The following CACNA1I variants were observed in gnomAD, a reference collection of about 807,000 sequenced individuals.
CACNA1I encodes the protein calcium voltage-gated channel subunit alpha1 I, also known as voltage-dependent T-type calcium channel subunit alpha-1I.
Under a neutral mutation model 201.6 loss-of-function variants are expected in CACNA1I, and 74 were observed. The ratio of observed to expected loss-of-function variants is 0.37; its 90% CI spans 0.30 to 0.45. The LOEUF is 0.45. Ranked by LOEUF, CACNA1I falls within the 20% of genes least tolerant of loss-of-function variation. The pLI, the probability that CACNA1I is intolerant of heterozygous loss-of-function variation, is 1.00. For missense variants in CACNA1I, 2,346 were observed against 3,138.1 expected (o/e 0.75, Z 6.03); for synonymous variants, 1,431 against 1,345.2 (o/e 1.06, Z -1.40).
chr22:39,594,740 A>C (rs533924990), intron 1 of CACNA1I, among the ~76,000 whole-genome samples: 4 of 151,914 alleles, frequency 2.6e-5, no homozygotes, highest in Non-Finnish European at 5.9e-5. Flanking sequence ...AAGGGCTTTG[A>C]AATGGAGGGG....
rs1300791701 is a variant in CACNA1I at position 39,666,964 on chromosome 22, C to T, written c.4104+958C>T. Among the ~76,000 whole-genome samples, 5 of 152,244 alleles carry T rather than the reference C, an allele frequency of 3.3e-5. No individual in the cohort carries two copies. The highest frequency in any genetic ancestry group is 4.1e-4 in the South Asian group (2 of 4,836). On this transcript the variant is annotated intron_variant, in intron 23 of 36. Coordinates refer to ENST00000402142, the MANE Select transcript of CACNA1I (RefSeq NM_021096.4). This position sits in a 1 kb window ranked among gnomAD's most constrained non-coding sequence, Gnocchi z 4.1. ...CCTGACCCCCTTCACCTATGGGCCCCGCCCCAGTGCCAGCTCCGCCCCTTT... is the reference window on the plus strand; with the variant it reads ...CCTGACCCCCTTCACCTATGGGCCCTGCCCCAGTGCCAGCTCCGCCCCTTT...
chr22:39,673,197 G>A, intron 28 of CACNA1I, 115 bp downstream of exon 28: 1 of 1,125,724 alleles, frequency 8.9e-7, no homozygotes, highest in South Asian at 1.5e-5. Flanking sequence ...GCAGGAGTTT[G>A]CAGGCATGGT....
chr22:39,577,162 G>A (rs1423243024), intron 1 of CACNA1I, among the ~76,000 whole-genome samples: 1 of 152,164 alleles, frequency 6.6e-6, no homozygotes, highest in African/African-American at 2.4e-5. Context: ...AGCCTCCTGA[G>A]TAGCTGGAAT....
chr22:39,682,695 C>A (rs967837270), intron 35 of CACNA1I, 34 bp downstream of exon 35: 2 of 1,588,706 alleles, frequency 1.3e-6, no homozygotes, highest in African/African-American at 1.3e-5. Context: ...CTCCCCACAG[C>A]CCTCATCTTG....
At chr22:39,650,473 C>G (rs967984396) in intron 10 of CACNA1I, among the ~76,000 whole-genome samples, 1 of 152,090 alleles carries the variant, frequency 6.6e-6, no homozygotes, top group Non-Finnish European at 1.5e-5. Flanking sequence ...TCTGTCCATT[C>G]CCCCCCAAAC....
chr22:39,572,775 T>C (rs2145795110), intron 1 of CACNA1I, among the ~76,000 whole-genome samples: 1 of 151,838 alleles, frequency 6.6e-6, no homozygotes. Context: ...TTTTTTTTTT[T>C]AGATGGAGTC....
chr22:39,589,522 C>T (rs1256689594), intron 1 of CACNA1I, among the ~76,000 whole-genome samples: 1 of 152,254 alleles, frequency 6.6e-6, no homozygotes, highest in Non-Finnish European at 1.5e-5. Context: ...GTTGCTCGAA[C>T]ACATGCTACA....
intron 1 of CACNA1I, among the ~76,000 whole-genome samples, chr22:39,591,018 ATT>A (rs1176086064): frequency 6.8e-6 from 1 of 146,982 alleles, no homozygotes; most frequent in Non-Finnish European, 1.5e-5. Flanking sequence ...TAATTAAAAA[ATT>A]TTTTTTTTTT....
intron 26 of CACNA1I, among the ~76,000 whole-genome samples, chr22:39,671,378 A>G (rs772440485): frequency 1.3e-5 from 2 of 152,224 alleles, no homozygotes; most frequent in Non-Finnish European, 2.9e-5. Flanking sequence ...TATGCTGCCC[A>G]AATTACTCAG....
At position 39,634,581 on chromosome 22, in the gene CACNA1I, G is replaced by T; in HGVS notation, c.597G>T (p.Val199=). 2 of 1,613,896 alleles carry T rather than the reference G, an allele frequency of 1.2e-6. No individual in the cohort carries two copies. Among genetic ancestry groups the T allele is most frequent in the African/African-American group, 1.3e-5 (1 of 74,998 alleles). Residue 199 remains valine, a synonymous_variant, in exon 5 of 37, where the codon GTG becomes GTT. Transcript: ENST00000402142. ...INRVPSMRIL[V]NLLLDTLPML... ...CCCTCCCAGGTATGCGGATCCTGGT[G>T]AACCTGCTCCTGGACACACTGCCCA...
At chr22:39,647,709 T>C in intron 8 of CACNA1I, 113 bp from the exon 9 acceptor site, 2 of 754,532 alleles carry the variant, frequency 2.7e-6, no homozygotes, top group Non-Finnish European at 2.3e-6. Context: ...CCACCGCCCC[T>C]GGCCAAGTTT....
At chr22:39,642,240 G>T (rs1934369451) in intron 6 of CACNA1I, among the ~76,000 whole-genome samples, 1 of 152,184 alleles carries the variant, frequency 6.6e-6, no homozygotes, top group Non-Finnish European at 1.5e-5. Flanking sequence ...TGGCCGCTCA[G>T]GGGGTCCCAC....
At chr22:39,654,884 G>T (rs1216667314) in intron 10 of CACNA1I, among the ~76,000 whole-genome samples, 1 of 152,170 alleles carries the variant, frequency 6.6e-6, no homozygotes, top group African/African-American at 2.4e-5. Flanking sequence ...TCATTCAGGA[G>T]GACCTTGGAG....
Position 39,662,325 on chromosome 22 carries a change from GC to G in CACNA1I, c.3267del (p.His1091MetfsTer43). The G allele has an allele frequency of 2.0e-6, 3 of 1,478,440 alleles. No individual in the cohort carries two copies. Among genetic ancestry groups the G allele is most frequent in the Non-Finnish European group, 8.9e-7 (1 of 1,123,142 alleles). 91.6% of individuals were successfully genotyped at this position (1,478,440 alleles called of 1,614,324 possible). On this transcript the variant is annotated frameshift_variant, in exon 17 of 37. Coordinates refer to ENST00000402142, the MANE Select transcript of CACNA1I (RefSeq NM_021096.4). LOFTEE classifies it high-confidence loss of function. ...PRAAWRAAGP[A>X]PGHEDCNGRM... ...GGCCGCCTGGAGGGCGGCAGGCCCG[GC>G]CCCCGGGCATGAGGACTGCAATGGC...
Position 39,679,834 on chromosome 22 carries a change from C to T in CACNA1I, c.5507C>T (p.Ala1836Val). ...GSIFHHYSSP[A>V]GCKKCHHDKQ... is the part of the protein sequence containing the mutation. Reference sequence around the variant, plus strand: ...ATCTTCCACCACTACTCCTCGCCTGCCGGCTGCAAGAAGTGTCACCACGAC... The same window carrying T: ...ATCTTCCACCACTACTCCTCGCCTGTCGGCTGCAAGAAGTGTCACCACGAC... The change falls in exon 33 of 37, where the codon GCC (alanine) becomes GTC (valine). Residue 1836 changes from alanine to valine, a missense_variant. Physicochemically the swap from Ala to Val is moderately conservative, Grantham distance 64. Transcript: ENST00000402142. 1 of 1,612,684 alleles carries T rather than the reference C, an allele frequency of 6.2e-7. No homozygotes were observed. Among genetic ancestry groups the T allele is most frequent in the South Asian group, 1.1e-5 (1 of 90,804 alleles).
At chr22:39,578,142 G>C (rs977632803) in intron 1 of CACNA1I, among the ~76,000 whole-genome samples, 2 of 151,984 alleles carry the variant, frequency 1.3e-5, no homozygotes, top group Non-Finnish European at 2.9e-5. Flanking sequence ...AAGGTGGGGA[G>C]TGGGGCCTGG....
At chr22:39,609,900 G>C (rs1413510997) in intron 3 of CACNA1I, among the ~76,000 whole-genome samples, 3 of 152,228 alleles carry the variant, frequency 2.0e-5, no homozygotes, top group Non-Finnish European at 4.4e-5. Context: ...AGCTCTGCCT[G>C]TGCTGACTGG....
chr22:39,635,678 T>C (rs368543146), intron 5 of CACNA1I, among the ~76,000 whole-genome samples: 102 of 151,394 alleles, frequency 6.7e-4, no homozygotes, highest in African/African-American at 2.4e-3. Context: ...CTTGTGCCCA[T>C]CCCCAGAAGA....
At chr22:39,598,397 C>T in intron 2 of CACNA1I, 135 bp downstream of exon 2, 2 of 625,534 alleles carry the variant, frequency 3.2e-6, no homozygotes, top group East Asian at 5.5e-5. Flanking sequence ...GCTCCGTGCC[C>T]TTCCCCATCC....
Sources: gnomAD v4.1 joint callset for allele counts (sites outside exome capture counted in the v4.1 genomes callset) on GRCh38, gnomAD v4.1.1 for gene constraint, Gnocchi (gnomAD v3.1) non-coding constraint, MANE v1.5 for transcripts, NCBI Gene and HGNC (gene_info 2026-07-23, HGNC 2026-07-21) for gene names.